The following FAM78B variants were observed in gnomAD, a reference collection of about 807,000 sequenced individuals.
FAM78B encodes the protein protein FAM78B.
FAM78B carries 10 observed loss-of-function variants against 20.0 expected under a neutral mutation model. The observed-to-expected ratio is 0.50, with a 90% CI of 0.31 to 0.85. The LOEUF (loss-of-function observed/expected upper bound fraction) is 0.85, where lower values mean the gene tolerates loss of function less well. FAM78B is among the 40% of genes least tolerant of loss of function. The pLI is 0.05. For synonymous variants in FAM78B, 135 were observed against 132.8 expected (o/e 1.02, Z -0.12); for missense variants, 283 against 345.0 (o/e 0.82, Z 1.42).
At chr1:166,161,292 G>A (rs867337179) in intron 1 of FAM78B, among the ~76,000 whole-genome samples, 10 of 152,042 alleles carry the variant, frequency 6.6e-5, no homozygotes, top group Middle Eastern at 3.2e-3. Flanking sequence ...GTTTACAGGC[G>A]TGTGCCACCA....
At chr1:166,145,120 T>C (rs946981537) in intron 1 of FAM78B, among the ~76,000 whole-genome samples, 3 of 152,164 alleles carry the variant, frequency 2.0e-5, no homozygotes, top group Non-Finnish European at 1.5e-5. Context: ...ATTCCAGTCA[T>C]GGTAAAGATT....
exon 3 of FAM78B, chr1:166,058,919 A>C (rs1651464236): frequency 6.6e-6 from 1 of 152,458 alleles, no homozygotes; most frequent in South Asian, 2.1e-4. Context: ...TTGTTGGAAA[A>C]AGGACTTGCT....
intron 1 of FAM78B, among the ~76,000 whole-genome samples, chr1:166,159,710 TACACAAGCC>T (rs1319477415): frequency 1.3e-5 from 2 of 152,176 alleles, no homozygotes; most frequent in African/African-American, 4.8e-5. Context: ...TATCCCAGGC[TACACAAGCC>T]ACAATTTGTT....
At chr1:166,157,668 T>C (rs1655962484) in intron 1 of FAM78B, among the ~76,000 whole-genome samples, 1 of 152,162 alleles carries the variant, frequency 6.6e-6, no homozygotes, top group Non-Finnish European at 1.5e-5. Flanking sequence ...GGAATCCTTG[T>C]TCTCCTTCTC....
intron 1 of FAM78B, among the ~76,000 whole-genome samples, chr1:166,146,661 C>T (rs1655469111): frequency 6.6e-6 from 1 of 152,130 alleles, no homozygotes; most frequent in Admixed American, 6.5e-5. Flanking sequence ...TACAATGGGT[C>T]AAGGGCGGCA....
intron 1 of FAM78B, among the ~76,000 whole-genome samples, chr1:166,125,804 T>C (rs1028060361): frequency 1.3e-5 from 2 of 152,002 alleles, no homozygotes; most frequent in Non-Finnish European, 2.9e-5. Flanking sequence ...CATTTTGAAT[T>C]TCTGTTATTA....
intron 1 of FAM78B, among the ~76,000 whole-genome samples, chr1:166,100,005 T>C (rs1653448363): frequency 1.3e-5 from 2 of 152,206 alleles, no homozygotes; most frequent in Admixed American, 1.3e-4. Context: ...GACCATATGA[T>C]AGGCCATAAA....
At chr1:166,124,413 G>A (rs1654570074) in intron 1 of FAM78B, among the ~76,000 whole-genome samples, 1 of 152,208 alleles carries the variant, frequency 6.6e-6, no homozygotes, top group Non-Finnish European at 1.5e-5. Context: ...TATATGCCAG[G>A]CACTGTTCTA....
At chr1:166,102,973 G>T (rs1248927556) in intron 1 of FAM78B, among the ~76,000 whole-genome samples, 1 of 152,138 alleles carries the variant, frequency 6.6e-6, no homozygotes, top group East Asian at 1.9e-4. Context: ...GCACTCCTCA[G>T]CAAATGTAAA....
downstream of FAM78B, among the ~76,000 whole-genome samples, chr1:166,066,311 C>T (rs7511705): frequency 0.21 from 31,318 of 152,218 alleles, 3,499 homozygotes; most frequent in Non-Finnish European, 0.25. Context: ...TCTGGGATAA[C>T]CTCCCAAAGG....
chr1:166,063,026 C>T (rs1054927374), intron 2 of FAM78B, among the ~76,000 whole-genome samples: 1 of 152,216 alleles, frequency 6.6e-6, no homozygotes, highest in African/African-American at 2.4e-5. Flanking sequence ...TCCCTGTCAA[C>T]CTCACCCATC....
At chr1:166,056,431 CT>C (rs1381538566), downstream of FAM78B, among the ~76,000 whole-genome samples, 2 of 152,236 alleles carry the variant, frequency 1.3e-5, no homozygotes, top group Admixed American at 1.3e-4. Flanking sequence ...AGGAGGAGGG[CT>C]CTAATAGGCT....
At chr1:166,060,647 T>G (rs2101940946) in exon 3 of FAM78B, 1 of 1,288,794 alleles carries the variant, frequency 7.8e-7, no homozygotes. Context: ...TGGGCTTTCC[T>G]TGTCCTACTA....
At chr1:166,145,774 C>T (rs1165463788) in intron 1 of FAM78B, among the ~76,000 whole-genome samples, 1 of 152,182 alleles carries the variant, frequency 6.6e-6, no homozygotes, top group African/African-American at 2.4e-5. Context: ...GTTGGCTGCA[C>T]ATTAAACTGA....
chr1:166,117,513 C>T (rs1654306576), intron 1 of FAM78B, among the ~76,000 whole-genome samples: 1 of 152,136 alleles, frequency 6.6e-6, no homozygotes, highest in Non-Finnish European at 1.5e-5. Context: ...CATTAATTCC[C>T]ATGTGAAAAG....
At position 166,070,176 on chromosome 1, in the gene FAM78B, C is replaced by A. The variant is rs538157614; in HGVS notation, c.*65G>T. 3 of 1,441,810 alleles carry A rather than the reference C, an allele frequency of 2.1e-6. No homozygotes were observed. Among genetic ancestry groups the A allele is most frequent in the Non-Finnish European group, 2.7e-6 (3 of 1,092,544 alleles). 89.3% of individuals were successfully genotyped at this position (1,441,810 alleles called of 1,614,324 possible). On this transcript the variant is annotated 3_prime_UTR_variant, in exon 2 of 2. Transcript: ENST00000354422. ...CAGAAACTCTGTTTGGCTCCTGCCA[C>A]CCCTGGCACCCTCACTGCATGTCTC...
At chr1:166,108,671 A>G (rs1277068953) in intron 1 of FAM78B, among the ~76,000 whole-genome samples, 3 of 152,192 alleles carry the variant, frequency 2.0e-5, no homozygotes, top group African/African-American at 4.8e-5. Context: ...CCTAAAATTC[A>G]TACGGAAACA....
intron 1 of FAM78B, among the ~76,000 whole-genome samples, chr1:166,086,401 T>C (rs1325169951): frequency 6.6e-6 from 1 of 152,104 alleles, no homozygotes; most frequent in Non-Finnish European, 1.5e-5. Flanking sequence ...CTCATTTCTC[T>C]CACTGGCGCT....
At chr1:166,130,535 G>A (rs1200674084) in intron 1 of FAM78B, among the ~76,000 whole-genome samples, 1 of 152,144 alleles carries the variant, frequency 6.6e-6, no homozygotes, top group Non-Finnish European at 1.5e-5. Flanking sequence ...TGTCACAGCT[G>A]GAAGGTACTA....
Sources: allele counts gnomAD v4.1 joint callset (sites outside exome capture counted in the v4.1 genomes callset), GRCh38; gene constraint gnomAD v4.1.1; transcripts MANE v1.5; gene names NCBI Gene and HGNC (gene_info 2026-07-23, HGNC 2026-07-21).